Variants in NLRP11 observed in about 807,000 individuals in gnomAD.
NLRP11 encodes NLR family pyrin domain containing 11.
NLRP11 carries 53 observed loss-of-function variants against 79.3 expected under a neutral mutation model. That is an observed-to-expected ratio of 0.67 (90% confidence interval 0.54 to 0.84). The LOEUF (loss-of-function observed/expected upper bound fraction) is 0.84. NLRP11 is among the 40% of genes least tolerant of loss of function. The pLI, the probability that NLRP11 is intolerant of heterozygous loss-of-function variation, is 0.00. For synonymous variants in NLRP11, 518 were observed against 462.6 expected (o/e 1.12, Z -1.54); for missense variants, 1,264 against 1,255.0 (o/e 1.01, Z -0.11).
upstream of NLRP11, among the ~76,000 whole-genome samples, chr19:55,835,391 A>G (rs1417659776): frequency 6.6e-6 from 1 of 152,284 alleles, no homozygotes; most frequent in Admixed American, 6.5e-5. Context: ...GAAAGACAGT[A>G]GCCGATATCC....
chr19:55,812,980 T>G (rs1214621440), intron 2 of NLRP11, among the ~76,000 whole-genome samples: 2 of 152,130 alleles, frequency 1.3e-5, no homozygotes, highest in Non-Finnish European at 2.9e-5. Flanking sequence ...CCAGTTCAGG[T>G]TCCCACCTGA....
At chr19:55,818,912 G>A (rs902686200) in intron 1 of NLRP11, among the ~76,000 whole-genome samples, 6 of 152,062 alleles carry the variant, frequency 3.9e-5, no homozygotes, top group African/African-American at 1.4e-4. Flanking sequence ...TCAGACTCAA[G>A]TTTTTTATAC....
At chr19:55,818,139 C>T (rs1178714017) in exon 2 of NLRP11, 5 of 1,613,934 alleles carry the variant, frequency 3.1e-6, no homozygotes, top group Admixed American at 1.7e-5. Context: ...CTAGATACCA[C>T]AGCAGGTCAA....
intron 1 of NLRP11, among the ~76,000 whole-genome samples, chr19:55,829,878 C>G (rs1982582624): frequency 6.6e-6 from 1 of 152,134 alleles, no homozygotes; most frequent in Non-Finnish European, 1.5e-5. Context: ...TTCCAACACT[C>G]ATAGCCTACT....
chr19:55,835,612 C>T (rs1231566657), upstream of NLRP11, among the ~76,000 whole-genome samples: 4 of 149,510 alleles, frequency 2.7e-5, no homozygotes, highest in African/African-American at 7.5e-5. Flanking sequence ...GAGGCCGAGG[C>T]GGGCAGATCA....
At chr19:55,810,795 G>A (rs143028968) in intron 2 of NLRP11, among the ~76,000 whole-genome samples, 2 of 152,196 alleles carry the variant, frequency 1.3e-5, no homozygotes, top group African/African-American at 4.8e-5. Context: ...ACTGCGCCCG[G>A]CCCATATTGC....
intron 1 of NLRP11, among the ~76,000 whole-genome samples, chr19:55,829,765 C>G (rs1384078264): frequency 6.6e-6 from 1 of 151,792 alleles, no homozygotes; most frequent in Non-Finnish European, 1.5e-5. Flanking sequence ...AAAGGTAACT[C>G]CACTTTCTTA....
At chr19:55,786,738 G>A (rs1989902587) in intron 9 of NLRP11, among the ~76,000 whole-genome samples, 1 of 152,062 alleles carries the variant, frequency 6.6e-6, no homozygotes, top group Non-Finnish European at 1.5e-5. Context: ...CTATAATACT[G>A]AAGGAAAAAT....
intron 5 of NLRP11, among the ~76,000 whole-genome samples, chr19:55,798,752 T>TCACACA (rs907468243): frequency 5.2e-5 from 5 of 95,846 alleles, no homozygotes; most frequent in African/African-American, 2.0e-4. Context: ...ACACACACAC[T>TCACACA]CACACACACA....
At chr19:55,790,439 TAC>T (rs1208564661) in intron 7 of NLRP11, among the ~76,000 whole-genome samples, 1 of 152,186 alleles carries the variant, frequency 6.6e-6, no homozygotes, top group African/African-American at 2.4e-5. Context: ...GCCTGGGTGA[TAC>T]AGTTTGCTGA....
At chr19:55,829,572 C>A (rs1159542503) in intron 1 of NLRP11, among the ~76,000 whole-genome samples, 2 of 144,254 alleles carry the variant, frequency 1.4e-5, no homozygotes, top group Non-Finnish European at 3.0e-5. Context: ...AAGGCTGAGG[C>A]AGGAGAATCG....
In NLRP11 at chr19:55,809,320, C is replaced by T. The variant is rs905095709; in HGVS notation, c.1290G>A (p.Leu430=). The change falls in exon 3 of 10, where the codon TTG becomes TTA. Residue 430 remains leucine, a synonymous_variant. Transcript: ENST00000589093. The surrounding 1 kb of genome is among the most constrained non-coding windows in gnomAD (Gnocchi z 4.5). ...TCGGCAAAAGAATATTCGCGGCCTG[C>T]AACACAGAGACATCAGCCTCAGTAA... The T allele has an allele frequency of 1.2e-5, 19 of 1,613,836 alleles. No individual in the cohort carries two copies. The highest frequency in any genetic ancestry group is 1.5e-5 in the Non-Finnish European group (18 of 1,179,892).
At chr19:55,785,701 T>G in exon 10 of NLRP11, 1 of 1,614,044 alleles carries the variant, frequency 6.2e-7, no homozygotes. Context: ...AAACATGTAA[T>G]CCAAATTAGA....
intron 5 of NLRP11, among the ~76,000 whole-genome samples, chr19:55,796,760 C>G (rs573534970): frequency 6.6e-6 from 1 of 151,598 alleles, no homozygotes; most frequent in African/African-American, 2.4e-5. Context: ...GATCTCGGCT[C>G]ACTGCAACCT....
chr19:55,831,100 A>AATCCCCCCCACCCCCCTGCCCC (rs1982727444), intron 1 of NLRP11, among the ~76,000 whole-genome samples: 1 of 27,522 alleles, frequency 3.6e-5, no homozygotes, highest in Non-Finnish European at 7.0e-5. Flanking sequence ...CCACCGCCCC[A>AATCCCCCCCACCCCCCTGCCCC]CCCCCCCCAT....
intron 9 of NLRP11, among the ~76,000 whole-genome samples, chr19:55,787,717 T>G (rs1318674600): frequency 6.6e-6 from 1 of 152,216 alleles, no homozygotes; most frequent in Non-Finnish European, 1.5e-5. Context: ...ACTTCTGCCT[T>G]GCTAACAAAC....
intron 1 of NLRP11, among the ~76,000 whole-genome samples, chr19:55,823,184 A>T (rs1316136555): frequency 4.1e-5 from 6 of 145,636 alleles, no homozygotes; most frequent in East Asian, 4.1e-4. Flanking sequence ...GTATTCCAAC[A>T]GACCTGCAGC....
chr19:55,794,379 A>G (rs1978594765), intron 6 of NLRP11, among the ~76,000 whole-genome samples: 1 of 152,072 alleles, frequency 6.6e-6, no homozygotes, highest in Non-Finnish European at 1.5e-5. Context: ...TTTTTTCATG[A>G]GACCTTCTTT....
chr19:55,828,688 T>C (rs910241504), intron 1 of NLRP11, among the ~76,000 whole-genome samples: 1 of 152,214 alleles, frequency 6.6e-6, no homozygotes, highest in African/African-American at 2.4e-5. Flanking sequence ...TCCATCACTA[T>C]ACAAACAAAA....
Sources: allele counts gnomAD v4.1 joint callset (sites outside exome capture counted in the v4.1 genomes callset), GRCh38; gene constraint gnomAD v4.1.1; non-coding constraint Gnocchi (gnomAD v3.1); transcripts MANE v1.5; gene names NCBI Gene and HGNC (gene_info 2026-07-23, HGNC 2026-07-21).